Variants in SRSF11 observed in about 807,000 individuals in gnomAD.
SRSF11 encodes the protein serine and arginine rich splicing factor 11.
In SRSF11, 9 loss-of-function variants were observed where a neutral mutation model predicts 56.0. The ratio of observed to expected loss-of-function variants is 0.16; its 90% CI spans 0.10 to 0.28. SRSF11 has a LOEUF of 0.28. Among genes scored for constraint, SRSF11 ranks in the 10% least tolerant of loss-of-function variants. The pLI, the probability that SRSF11 is intolerant of heterozygous loss-of-function variation, is 1.00. For synonymous variants in SRSF11, 222 were observed against 215.3 expected (o/e 1.03, Z -0.27); for missense variants, 421 against 600.7 (o/e 0.70, Z 3.13).
chr1:70,249,756 C>T (rs1034689078), intron 9 of SRSF11, 196 bp from the exon 10 acceptor site: 9 of 524,666 alleles, frequency 1.7e-5, no homozygotes, highest in Non-Finnish European at 3.1e-5. Context: ...GACAGAGTTT[C>T]ACCATGTTGC....
At chr1:70,210,029 G>C (rs1195203307) in intron 1 of SRSF11, among the ~76,000 whole-genome samples, 1 of 151,922 alleles carries the variant, frequency 6.6e-6, no homozygotes, top group Non-Finnish European at 1.5e-5. Flanking sequence ...CTAATGGAGA[G>C]AGTGCATTGT....
chr1:70,226,480 C>T (rs570365991), intron 1 of SRSF11, among the ~76,000 whole-genome samples: 45 of 152,066 alleles, frequency 3.0e-4, no homozygotes, highest in Non-Finnish European at 5.3e-4. Flanking sequence ...AATTTGAGCA[C>T]GGGGGCAGTA....
chr1:70,226,358 A>G (rs1352478546), intron 1 of SRSF11, among the ~76,000 whole-genome samples: 3 of 152,156 alleles, frequency 2.0e-5, no homozygotes, highest in East Asian at 1.9e-4. Flanking sequence ...TCTGTACCCT[A>G]CCATCACTTA....
chr1:70,243,399 G>A (rs140440809), intron 7 of SRSF11, among the ~76,000 whole-genome samples: 46 of 127,122 alleles, frequency 3.6e-4, no homozygotes, highest in African/African-American at 1.3e-3. Flanking sequence ...GAACCATGCC[G>A]TTAAAGCTCA....
chr1:70,239,134 G>A (rs764877856), intron 6 of SRSF11, among the ~76,000 whole-genome samples: 3 of 151,924 alleles, frequency 2.0e-5, no homozygotes, highest in Admixed American at 6.6e-5. Context: ...CTCTGTTGCC[G>A]AGGCTGGAGT....
At chr1:70,245,250 AT>A (rs1676482653) in intron 8 of SRSF11, among the ~76,000 whole-genome samples, 1 of 152,152 alleles carries the variant, frequency 6.6e-6, no homozygotes, top group Non-Finnish European at 1.5e-5. Flanking sequence ...TTGCTAAAAT[AT>A]TTATCTTAAT....
upstream of SRSF11, among the ~76,000 whole-genome samples, chr1:70,218,132 T>C (rs1268937140): frequency 6.6e-6 from 1 of 152,058 alleles, no homozygotes; most frequent in East Asian, 1.9e-4. Context: ...ACCCAGCTAA[T>C]TTTGTTTTTG....
At position 70,251,826 on chromosome 1, in the gene SRSF11, T is replaced by C. The variant is rs1400908567; in HGVS notation, c.*1021T>C. 5 of 152,598 alleles carry C rather than the reference T, an allele frequency of 3.3e-5. No homozygotes were observed. In the South Asian group the frequency reaches 6.2e-4, roughly 19 times the overall value. The allele number at this position is 152,598 out of a possible 1,614,324, so 9.5% of individuals were successfully genotyped here. On this transcript the variant is annotated 3_prime_UTR_variant, in exon 12 of 12. Transcript: ENST00000370949. Reference sequence around the variant, plus strand: ...TTGTGTTACTGCAGTAGTAATCTTATGCACACGGTGATTTCATGTTATATA... The same window carrying C: ...TTGTGTTACTGCAGTAGTAATCTTACGCACACGGTGATTTCATGTTATATA...
chr1:70,236,912 C>T (rs1393996416), intron 5 of SRSF11, among the ~76,000 whole-genome samples: 1 of 150,430 alleles, frequency 6.6e-6, no homozygotes, highest in Non-Finnish European at 1.5e-5. Flanking sequence ...CTCAGCCTCC[C>T]GAATAGCTGG....
chr1:70,235,575 TTGG>T (rs1440459315), intron 5 of SRSF11, 25 bp downstream of exon 5: 1 of 1,607,332 alleles, frequency 6.2e-7, no homozygotes, highest in Admixed American at 1.7e-5. Context: ...TTTGTTTTCA[TTGG>T]TGATGTGGTA....
chr1:70,205,983 G>A (rs752333899), intron 1 of SRSF11, among the ~76,000 whole-genome samples: 14 of 152,168 alleles, frequency 9.2e-5, no homozygotes, highest in Non-Finnish European at 1.8e-4. Flanking sequence ...CTGGACCCCA[G>A]CCTGTGTTTG....
chr1:70,231,212 T>C (rs1436471769), intron 2 of SRSF11: 1 of 1,242,682 alleles, frequency 8.0e-7, no homozygotes, highest in Non-Finnish European at 1.0e-6. Flanking sequence ...TTGTATGTTT[T>C]ATGATGAGAT....
chr1:70,242,899 T>TA (rs1449439056), intron 7 of SRSF11, among the ~76,000 whole-genome samples: 1 of 152,184 alleles, frequency 6.6e-6, no homozygotes, highest in African/African-American at 2.4e-5. Context: ...TGAAAAGACT[T>TA]ACTTCCCATG....
intron 1 of SRSF11, among the ~76,000 whole-genome samples, chr1:70,215,360 C>G (rs1669917965): frequency 2.0e-5 from 3 of 152,240 alleles, no homozygotes; most frequent in Non-Finnish European, 4.4e-5. Context: ...CATCTTCATT[C>G]ACAAAGCCTT....
rs75467729 is a variant in SRSF11, at chr1:70,209,960, C to A, written c.-26+4180C>A. On this transcript the variant is annotated intron_variant, in intron 1 of 12. Coordinates refer to the SRSF11 transcript ENST00000370950. ...ATATTTTGCATTTTACTGATAGTTT[C>A]AAATGTGGCTTTGAAATTTGTATTA... Among the ~76,000 whole-genome samples, 1,004 of 151,726 alleles carry A rather than the reference C, an allele frequency of 6.6e-3. 13 individuals carry two copies. Among genetic ancestry groups the A allele is most frequent in the African/African-American group, 0.023 (936 of 41,328 alleles).
At chr1:70,249,860 A>G (rs1677595267) in intron 9 of SRSF11, 92 bp from the exon 10 acceptor site, 1 of 1,376,404 alleles carries the variant, frequency 7.3e-7, no homozygotes, top group Non-Finnish European at 1.0e-6. Context: ...ACATCTGGCC[A>G]CATCTTTCAT....
rs1224907033 is a variant in SRSF11 at position 70,244,697 on chromosome 1, A to C, written c.814A>C (p.Arg272=). The C allele has an allele frequency of 6.2e-7, 1 of 1,614,130 alleles. No individual in the cohort carries two copies. Residue 272 remains arginine, a synonymous_variant, in exon 8 of 12, where the codon AGA becomes CGA. Coordinates refer to ENST00000370949, the MANE Select transcript of SRSF11 (RefSeq NM_001350605.2). The part of the protein sequence containing the change: ...SSSRHRRSRS[R]SRRRSHSKSR... ...TTACACTATTAGGCGGTCAAGAAGC[A>C]GATCGAGACGGCGGTCACATTCTAA... is the stretch of plus-strand genomic sequence containing the variant.
chr1:70,232,149 C>T (rs1288968278), intron 2 of SRSF11, 119 bp from the exon 3 acceptor site: 7 of 1,565,698 alleles, frequency 4.5e-6, no homozygotes, highest in East Asian at 4.7e-5. Flanking sequence ...TGTATTTTAG[C>T]GAACATAAGT....
Position 70,213,462 on chromosome 1 carries a change from T to C in SRSF11, c.-26+7682T>C, listed in dbSNP as rs190886857. 1.3e-3 allele frequency among the ~76,000 whole-genome samples: 204 copies of C among 152,334 alleles called. 1 individual carries two copies. The highest frequency in any genetic ancestry group is 2.8e-4 in the Non-Finnish European group (19 of 68,032). On this transcript the variant is annotated intron_variant, in intron 1 of 12. Coordinates refer to the SRSF11 transcript ENST00000370950. ...TGTTCTCACTGTGTAAACTAACTCT[T>C]CTGAGATATATCTTTCATGTGAGTT... is the stretch of plus-strand genomic sequence containing the variant.
Sources: gnomAD v4.1 joint callset for allele counts (sites outside exome capture counted in the v4.1 genomes callset) on GRCh38, gnomAD v4.1.1 for gene constraint, MANE v1.5 for transcripts, NCBI Gene and HGNC (gene_info 2026-07-23, HGNC 2026-07-21) for gene names.